Variants in LDLRAD4 observed in about 807,000 individuals in gnomAD.
LDLRAD4 encodes the protein low-density lipoprotein receptor class A domain-containing protein 4.
LDLRAD4 carries 5 observed loss-of-function variants against 17.0 expected under a neutral mutation model. The ratio of observed to expected loss-of-function variants is 0.29; its 90% CI spans 0.15 to 0.62. The LOEUF (loss-of-function observed/expected upper bound fraction) is 0.62. Among genes scored for constraint, LDLRAD4 ranks in the 20% least tolerant of loss-of-function variants. The probability of loss-of-function intolerance (pLI) is 0.84; values close to 1 mark genes in which losing one functional copy is unlikely to be tolerated. For missense variants in LDLRAD4, 340 were observed against 424.7 expected (o/e 0.80, Z 1.75); for synonymous variants, 168 against 171.8 (o/e 0.98, Z 0.17).
At chr18:13,287,925 A>G (rs1363546692) in intron 1 of LDLRAD4, among the ~76,000 whole-genome samples, 1 of 152,260 alleles carries the variant, frequency 6.6e-6, no homozygotes, top group Non-Finnish European at 1.5e-5. Flanking sequence ...ATGTACCTGC[A>G]TAACTAGTTT....
chr18:13,244,055 T>C (rs1393973001), intron 1 of LDLRAD4, among the ~76,000 whole-genome samples: 4 of 106,470 alleles, frequency 3.8e-5, no homozygotes, highest in Middle Eastern at 7.9e-3. Context: ...ATCCACCCAT[T>C]CCTCCATCCA....
chr18:13,382,593 A>C (rs1007226203), intron 1 of LDLRAD4: 6 of 152,066 alleles, frequency 3.9e-5, no homozygotes, highest in African/African-American at 1.4e-4. Context: ...TCCCAGTATA[A>C]ATAGAACCTC....
intron 3 of LDLRAD4, among the ~76,000 whole-genome samples, chr18:13,572,776 A>G (rs965232925): frequency 3.3e-5 from 5 of 152,184 alleles, no homozygotes; most frequent in African/African-American, 4.8e-5. Flanking sequence ...TTTCATCCAA[A>G]AGTGATCATT....
chr18:13,643,230 G>A (rs927363008), intron 4 of LDLRAD4, 129 bp from the exon 6 acceptor site: 41 of 565,796 alleles, frequency 7.2e-5, no homozygotes, highest in Non-Finnish European at 1.1e-4. Flanking sequence ...CATGGCGCCC[G>A]GCCTCGCTCC....
At chr18:13,451,076 C>G (rs1258912923) in intron 3 of LDLRAD4, among the ~76,000 whole-genome samples, 3 of 152,184 alleles carry the variant, frequency 2.0e-5, no homozygotes, top group Admixed American at 1.3e-4. Context: ...TAGTTTAGTT[C>G]TGCACTCAGG....
At position 13,398,136 on chromosome 18, in the gene LDLRAD4, C is replaced by T. The variant is rs1445866364; in HGVS notation, c.40+10374C>T. 6.6e-6 allele frequency among the ~76,000 whole-genome samples: 1 copy of T among 152,168 alleles called. No homozygotes were observed. The highest frequency in any genetic ancestry group is 6.5e-5 in the Admixed American group (1 of 15,292). ...CTCAGATCCTCCCACTGTGGCGTTT[C>T]CTTCAGAACCGAGTTGGGGCAGGAG... On this transcript the variant is annotated intron_variant, in intron 2 of 5. Coordinates refer to ENST00000359446, the Ensembl canonical transcript of LDLRAD4. The surrounding 1 kb of genome is among the most constrained non-coding windows in gnomAD (Gnocchi z 4.8).
intron 3 of LDLRAD4, among the ~76,000 whole-genome samples, chr18:13,550,698 G>A (rs2094423568): frequency 1.3e-5 from 2 of 152,248 alleles, no homozygotes; most frequent in Admixed American, 1.3e-4. Flanking sequence ...GTAAGCCGAG[G>A]AAGATGAGAG....
intron 3 of LDLRAD4, among the ~76,000 whole-genome samples, chr18:13,442,745 G>A (rs542182837): frequency 2.0e-5 from 3 of 152,314 alleles, no homozygotes; most frequent in Admixed American, 6.5e-5. Context: ...GGACAGCAGC[G>A]TTCCTTCGAC....
At chr18:13,295,627 C>T (rs1233039970) in intron 1 of LDLRAD4, among the ~76,000 whole-genome samples, 3 of 152,198 alleles carry the variant, frequency 2.0e-5, no homozygotes, top group Non-Finnish European at 4.4e-5. Flanking sequence ...TGTATACTGA[C>T]TGAGCTATGA....
chr18:13,640,085 G>A (rs2042399866), intron 4 of LDLRAD4, among the ~76,000 whole-genome samples: 1 of 152,104 alleles, frequency 6.6e-6, no homozygotes, highest in Non-Finnish European at 1.5e-5. Context: ...AGGAGATCGA[G>A]AGGATCCTGG....
chr18:13,450,868 A>G lies in LDLRAD4; in HGVS notation c.181+12484A>G, dbSNP rs1309631465. 3.3e-5 allele frequency among the ~76,000 whole-genome samples: 5 copies of G among 152,148 alleles called. No homozygotes were observed. The East Asian group carries it at 7.7e-4, about 23-fold the overall frequency. On this transcript the variant is annotated intron_variant, in intron 3 of 5. Transcript: ENST00000359446. ...GGCAGGGATGCCACATAGGCTTGTC[A>G]TGGAAGCTTGCGGGGAGGGGAGGGC...
At chr18:13,552,135 ACAGACATC>A (rs2148086785) in intron 3 of LDLRAD4, among the ~76,000 whole-genome samples, 1 of 152,274 alleles carries the variant, frequency 6.6e-6, no homozygotes, top group African/African-American at 2.4e-5. Flanking sequence ...TTTGGAGGAG[ACAGACATC>A]CAGACCATAT....
At chr18:13,525,758 GAAAA>G (rs1162518133) in intron 3 of LDLRAD4, among the ~76,000 whole-genome samples, 2 of 152,224 alleles carry the variant, frequency 1.3e-5, no homozygotes, top group Non-Finnish European at 2.9e-5. Context: ...CCTGTAAGTG[GAAAA>G]CTAAAGCCCT....
At chr18:13,432,393 G>A (rs2090401315) in intron 2 of LDLRAD4, among the ~76,000 whole-genome samples, 1 of 152,218 alleles carries the variant, frequency 6.6e-6, no homozygotes, top group Non-Finnish European at 1.5e-5. Flanking sequence ...AAGATGGGGA[G>A]TCCTTTTCCC....
intron 1 of LDLRAD4, among the ~76,000 whole-genome samples, chr18:13,246,179 C>T (rs979815511): frequency 6.6e-6 from 1 of 152,216 alleles, no homozygotes; most frequent in Non-Finnish European, 1.5e-5. Context: ...TTGAAGTCAC[C>T]ACAAAGCATT....
At chr18:13,287,245 G>A (rs1448638435) in intron 1 of LDLRAD4, among the ~76,000 whole-genome samples, 1 of 152,150 alleles carries the variant, frequency 6.6e-6, no homozygotes, top group African/African-American at 2.4e-5. Context: ...GTCCCATAAA[G>A]TACAGAAAGA....
chr18:13,252,459 C>G (rs957054742), intron 1 of LDLRAD4, among the ~76,000 whole-genome samples: 1 of 152,240 alleles, frequency 6.6e-6, no homozygotes, highest in Non-Finnish European at 1.5e-5. Flanking sequence ...CACACTTGGC[C>G]AGGTGTACCG....
At chr18:13,230,413 G>A (rs1034723302) in intron 1 of LDLRAD4, among the ~76,000 whole-genome samples, 11 of 152,066 alleles carry the variant, frequency 7.2e-5, no homozygotes, top group African/African-American at 1.4e-4. Flanking sequence ...GGGTTGCAGC[G>A]AGAAAATATT....
At chr18:13,467,891 G>T (rs1195498341) in intron 3 of LDLRAD4, among the ~76,000 whole-genome samples, 1 of 152,222 alleles carries the variant, frequency 6.6e-6, no homozygotes, top group Admixed American at 6.5e-5. Context: ...TAATGGGAAA[G>T]AATAGTCTTT....
Sources: allele counts gnomAD v4.1 joint callset (sites outside exome capture counted in the v4.1 genomes callset), GRCh38; gene constraint gnomAD v4.1.1; non-coding constraint Gnocchi (gnomAD v3.1); transcripts MANE v1.5; gene names NCBI Gene and HGNC (gene_info 2026-07-23, HGNC 2026-07-21).